The following FANCA variants were observed in gnomAD, a reference collection of about 807,000 sequenced individuals.
FANCA encodes the protein Fanconi anemia group A protein.
In FANCA, 236 loss-of-function variants were observed where a neutral mutation model predicts 194.3. The ratio of observed to expected loss-of-function variants is 1.21; its 90% CI spans 1.09 to 1.35. The LOEUF (loss-of-function observed/expected upper bound fraction) is 1.35. Among genes scored for constraint, FANCA ranks in the 40% most tolerant of loss-of-function variants. The pLI is 0.00. For missense variants in FANCA, 2,628 were observed against 1,813.9 expected (o/e 1.45, Z -8.15); for synonymous variants, 1,014 against 715.8 (o/e 1.42, Z -6.65).
At chr16:89,770,438 T>C (rs2039284196) in intron 24 of FANCA, 126 bp downstream of exon 24, 2 of 1,064,468 alleles carry the variant, frequency 1.9e-6, no homozygotes, top group African/African-American at 3.1e-5. Context: ...TCCTATTTGA[T>C]GAAACTCAGC....
chr16:89,773,136 G>C, intron 22 of FANCA, 135 bp downstream of exon 22: 3 of 743,548 alleles, frequency 4.0e-6, no homozygotes, highest in Non-Finnish European at 7.0e-6. Context: ...GCCAGCCCGG[G>C]GTCAATCTTT....
chr16:89,768,385 G>T (rs568309737), intron 26 of FANCA, among the ~76,000 whole-genome samples: 7 of 152,130 alleles, frequency 4.6e-5, no homozygotes, highest in Non-Finnish European at 1.0e-4. Flanking sequence ...ATACATATTT[G>T]AGCTGGGCGT....
At chr16:89,756,149 C>T (rs1252665513) in intron 30 of FANCA, among the ~76,000 whole-genome samples, 1 of 152,116 alleles carries the variant, frequency 6.6e-6, no homozygotes, top group Admixed American at 6.6e-5. Context: ...CGTTGTTAAC[C>T]AGAACATTCT....
Position 89,746,706 on chromosome 16 carries a change from G to A in FANCA, c.3409-18C>T, listed in dbSNP as rs762166434. The A allele has an allele frequency of 1.2e-6, 2 of 1,612,238 alleles. No individual in the cohort carries two copies. The highest frequency in any genetic ancestry group is 2.2e-5 in the East Asian group (1 of 44,856). ...AGGAGGCCCTGCAGGAGAGAACGCA[G>A]CAGGAGGTCAGCGGTTTGTGAGGAC... On this transcript the variant is annotated intron_variant, in intron 34 of 42. Transcript: ENST00000389301.
chr16:89,743,550 G>A (rs768445699), intron 36 of FANCA, among the ~76,000 whole-genome samples: 27 of 152,314 alleles, frequency 1.8e-4, no homozygotes, highest in Admixed American at 3.9e-4. Context: ...GAGGCAGGGC[G>A]TGGTGGTTCA....
rs1179029108 is a variant in FANCA, at chr16:89,753,217, C to T, written c.2982-995G>A. ...CCCTGTCCAGTGGACATGTGACCCA[C>T]GTGACCTTACCTATCATTGGAGGTG... On this transcript the variant is annotated intron_variant, in intron 30 of 42. Coordinates refer to ENST00000389301, the MANE Select transcript of FANCA (RefSeq NM_000135.4). 2.6e-5 allele frequency among the ~76,000 whole-genome samples: 4 copies of T among 152,344 alleles called. No homozygotes were observed. The East Asian group carries it at 7.7e-4, about 29-fold the overall frequency.
rs373948590 is a variant in FANCA at position 89,808,316 on chromosome 16, T to G, written c.574A>C (p.Ser192Arg). The change falls in exon 6 of 43, where the codon AGC becomes CGC. Residue 192 changes from serine to arginine, a missense_variant. Coordinates refer to ENST00000389301, the MANE Select transcript of FANCA (RefSeq NM_000135.4). ...VWHLHVQGIVSLQELLESHPD... is the reference protein window; with the variant it reads ...VWHLHVQGIVRLQELLESHPD... Reference sequence around the variant, plus strand: ...TACCTTTCCAGCAGCTCTTGCAGGCTCACAATGCCTTGTACGTGAAGATGC... The same window carrying G: ...TACCTTTCCAGCAGCTCTTGCAGGCGCACAATGCCTTGTACGTGAAGATGC... 2 of 1,614,024 alleles carry G rather than the reference T, an allele frequency of 1.2e-6. No homozygotes were observed. Among genetic ancestry groups the G allele is most frequent in the Non-Finnish European group, 1.7e-6 (2 of 1,180,028 alleles).
chr16:89,801,283 G>A (rs866544788), intron 8 of FANCA, among the ~76,000 whole-genome samples: 2 of 146,850 alleles, frequency 1.4e-5, no homozygotes, highest in African/African-American at 5.1e-5. Flanking sequence ...GGCGGAGCTT[G>A]CAGTGAGCCG....
intron 18 of FANCA, among the ~76,000 whole-genome samples, chr16:89,779,230 G>A (rs2039619621): frequency 6.6e-6 from 1 of 152,108 alleles, no homozygotes; most frequent in Non-Finnish European, 1.5e-5. Flanking sequence ...CCTGCTCCCT[G>A]GGCTTGAACG....
At chr16:89,762,290 G>C (rs539092953) in intron 28 of FANCA, among the ~76,000 whole-genome samples, 3 of 152,246 alleles carry the variant, frequency 2.0e-5, no homozygotes, top group Middle Eastern at 3.4e-3. Context: ...AACATAGTAA[G>C]ACCTCATCTC....
rs907217836 is a variant in FANCA, at chr16:89,755,292, C to G, written c.2982-3070G>C. 4.0e-5 allele frequency among the ~76,000 whole-genome samples: 6 copies of G among 151,720 alleles called. No homozygotes were observed. The South Asian group carries it at 8.3e-4, about 21-fold the overall frequency. On this transcript the variant is annotated intron_variant, in intron 30 of 42. Coordinates refer to ENST00000389301, the MANE Select transcript of FANCA (RefSeq NM_000135.4). ...GTGGCACAATCTGGGCTCATTGCAA[C>G]CTCCGCCTCCCAGGTTCAAGCAAGT...
intron 5 of FANCA, 89 bp from the exon 6 acceptor site, chr16:89,808,456 T>A: frequency 1.5e-6 from 2 of 1,359,028 alleles, no homozygotes; most frequent in South Asian, 1.2e-5. Context: ...CTACAAAATG[T>A]TCAACTTAGG....
At chr16:89,762,371 A>C (rs1478441154) in intron 28 of FANCA, among the ~76,000 whole-genome samples, 1 of 151,844 alleles carries the variant, frequency 6.6e-6, no homozygotes, top group Admixed American at 6.6e-5. Flanking sequence ...AGGCCAGCAG[A>C]TTGCTTGAGC....
chr16:89,743,390 G>C (rs956005336), intron 36 of FANCA, among the ~76,000 whole-genome samples: 2 of 152,216 alleles, frequency 1.3e-5, no homozygotes, highest in African/African-American at 4.8e-5. Flanking sequence ...GGAAATTAAT[G>C]AAACAATGCT....
intron 22 of FANCA, among the ~76,000 whole-genome samples, chr16:89,772,175 G>A (rs1476999585): frequency 6.6e-6 from 1 of 152,170 alleles, no homozygotes; most frequent in East Asian, 1.9e-4. Context: ...CAGGGAAATG[G>A]GCCACACATA....
At chr16:89,748,043 G>GT (rs945491127) in intron 33 of FANCA, among the ~76,000 whole-genome samples, 3 of 152,166 alleles carry the variant, frequency 2.0e-5, no homozygotes, top group African/African-American at 7.2e-5. Context: ...TCTCAAGTAG[G>GT]TGGGAGTACA....
At chr16:89,747,711 T>A (rs1035328306) in intron 33 of FANCA, among the ~76,000 whole-genome samples, 1 of 151,518 alleles carries the variant, frequency 6.6e-6, no homozygotes, top group Non-Finnish European at 1.5e-5. Flanking sequence ...AAAAAATAAA[T>A]AAATAAATAA....
intron 31 of FANCA, among the ~76,000 whole-genome samples, chr16:89,751,135 T>C (rs1482171403): frequency 6.6e-6 from 1 of 152,122 alleles, no homozygotes; most frequent in Non-Finnish European, 1.5e-5. Context: ...TCAAGTGATC[T>C]AGCCACCTCA....
At chr16:89,807,230 G>A (rs559503784) in intron 6 of FANCA, among the ~76,000 whole-genome samples, 11 of 148,720 alleles carry the variant, frequency 7.4e-5, no homozygotes, top group African/African-American at 2.3e-4. Flanking sequence ...AGGCCGAGGC[G>A]GGAGGATCAC....
Sources: gnomAD v4.1 joint callset for allele counts (sites outside exome capture counted in the v4.1 genomes callset) on GRCh38, gnomAD v4.1.1 for gene constraint, MANE v1.5 for transcripts, NCBI Gene and HGNC (gene_info 2026-07-23, HGNC 2026-07-21) for gene names.